Variants in POLR3E observed in about 807,000 individuals in gnomAD.
POLR3E encodes the protein DNA-directed RNA polymerase III subunit RPC5.
Under a neutral mutation model 96.6 loss-of-function variants are expected in POLR3E, and 41 were observed. That is an observed-to-expected ratio of 0.42 (90% CI 0.33 to 0.55). The LOEUF (loss-of-function observed/expected upper bound fraction) is 0.55, where lower values mean the gene tolerates loss of function less well. Ranked by LOEUF, POLR3E falls within the 20% of genes least tolerant of loss-of-function variation. The probability of loss-of-function intolerance (pLI) is 0.06; values close to 1 mark genes in which losing one functional copy is unlikely to be tolerated. For synonymous variants in POLR3E, 396 were observed against 383.6 expected (o/e 1.03, Z -0.38); for missense variants, 849 against 952.1 (o/e 0.89, Z 1.43).
At chr16:22,328,217 C>T in intron 18 of POLR3E, 1 of 343,484 alleles carries the variant, frequency 2.9e-6, no homozygotes, top group Non-Finnish European at 5.4e-6. Context: ...AGCTTCCCCA[C>T]TGTACGGAGG....
rs1218050554 is a variant in POLR3E, at chr16:22,333,983, A to ATAAT, written c.*284_*287dup. 10 of 374,334 alleles carry ATAAT rather than the reference A, an allele frequency of 2.7e-5. No homozygotes were observed. Among genetic ancestry groups the ATAAT allele is most frequent in the Non-Finnish European group, 4.8e-5 (10 of 208,296 alleles). The allele number at this position is 374,334 out of a possible 1,614,324, so 23.2% of individuals were successfully genotyped here. A position where few individuals can be genotyped will look rare whatever the true frequency, so the allele number is the denominator to read the frequency against. ...TTGCTTATTATTTGGTTTCATTCTC[A>ATAAT]TAATAAAGAGAGTGTATACTGACAT... On this transcript the variant is annotated 3_prime_UTR_variant, in exon 21 of 21. Coordinates refer to ENST00000299853, the MANE Select transcript of POLR3E (RefSeq NM_018119.4).
intron 13 of POLR3E, among the ~76,000 whole-genome samples, chr16:22,321,907 T>C (rs1253935868): frequency 1.3e-5 from 2 of 152,172 alleles, no homozygotes; most frequent in East Asian, 1.9e-4. Context: ...CAATGCAAAA[T>C]CCATGCCTCC....
chr16:22,305,499 G>A (rs986475035), intron 3 of POLR3E: 16 of 627,700 alleles, frequency 2.5e-5, no homozygotes, highest in African/African-American at 7.2e-5. Context: ...CCGTGGGCAA[G>A]TTTCTTAATC....
In POLR3E at chr16:22,334,090, G is replaced by A. The variant is rs747627198; in HGVS notation, c.*390G>A. 25 of 174,072 alleles carry A rather than the reference G, an allele frequency of 1.4e-4. No homozygotes were observed. The highest frequency in any genetic ancestry group is 4.4e-4 in the Admixed American group (7 of 16,040). The allele number at this position is 174,072 out of a possible 1,614,324, so 10.8% of individuals were successfully genotyped here. A position where few individuals can be genotyped will look rare whatever the true frequency, so the allele number is the denominator to read the frequency against. ...AAGGTCTAAGTTATGTTTACAACATGAAGAAAACCTCAAAGTTCTTAATTT... is the reference window on the plus strand; with the variant it reads ...AAGGTCTAAGTTATGTTTACAACATAAAGAAAACCTCAAAGTTCTTAATTT... On this transcript the variant is annotated 3_prime_UTR_variant, in exon 21 of 21. Coordinates refer to ENST00000299853, the MANE Select transcript of POLR3E (RefSeq NM_018119.4).
chr16:22,328,417 C>A, intron 18 of POLR3E, 93 bp from the exon 19 acceptor site: 2 of 1,040,162 alleles, frequency 1.9e-6, no homozygotes, highest in Non-Finnish European at 3.0e-6. Context: ...CATGTTCCTG[C>A]ATCTGGGCTG....
intron 1 of POLR3E, among the ~76,000 whole-genome samples, chr16:22,298,150 G>C (rs2047935687): frequency 1.3e-5 from 2 of 152,252 alleles, no homozygotes; most frequent in African/African-American, 4.8e-5. Flanking sequence ...GGAGGTGTCA[G>C]TAAACAAACA....
chr16:22,315,067 C>A (rs765717125), intron 8 of POLR3E, 22 bp from the exon 9 acceptor site: 1 of 1,611,488 alleles, frequency 6.2e-7, no homozygotes, highest in East Asian at 2.2e-5. Flanking sequence ...GACGGTATGA[C>A]CTCTTCCCCT....
intron 18 of POLR3E, chr16:22,328,298 G>C: frequency 1.7e-6 from 1 of 573,184 alleles, no homozygotes; most frequent in African/African-American, 1.9e-5. Flanking sequence ...AGCCCTGTCA[G>C]GCCCTGGGGG....
At chr16:22,317,862 T>C (rs1217899173) in intron 12 of POLR3E, among the ~76,000 whole-genome samples, 1 of 152,004 alleles carries the variant, frequency 6.6e-6, no homozygotes, top group Non-Finnish European at 1.5e-5. Context: ...CTGGGTACTC[T>C]TGCCAGACCT....
rs374256120 is a variant in POLR3E at position 22,314,104 on chromosome 16, G to A, written c.498G>A (p.Ala166=). 1.5e-5 allele frequency: 24 copies of A among 1,613,878 alleles called. No individual in the cohort carries two copies. Among genetic ancestry groups the A allele is most frequent in the African/African-American group, 5.3e-5 (4 of 75,034 alleles). ...CAGGGGACTCTTCACAGGATGAGGC[G>A]GAAGACGATGTTAAGCAGATCACGG... ...NEAGDSSQDE[A]EDDVKQITVR... Residue 166 remains alanine, a synonymous_variant, in exon 8 of 21, where the codon GCG becomes GCA. Transcript: ENST00000299853.
Position 22,308,157 on chromosome 16 carries a change from C to G in POLR3E, c.97C>G (p.Arg33Gly). The change falls in exon 4 of 21, where the codon CGT becomes GGT. Residue 33 changes from arginine to glycine, a missense_variant. Arg to Gly is a moderately radical substitution (Grantham distance 125, BLOSUM62 -2). Coordinates refer to ENST00000299853, the MANE Select transcript of POLR3E (RefSeq NM_018119.4). Reference sequence around the variant, plus strand: ...CCCTTCCCCTCCCCAGTACCCTGTGCGTCCAGCCTCGATGACCTACGATGA... The same window carrying G: ...CCCTTCCCCTCCCCAGTACCCTGTGGGTCCAGCCTCGATGACCTACGATGA... ...EKLYLFQYPV[R>G]PASMTYDDIP... 1 of 1,612,876 alleles carries G rather than the reference C, an allele frequency of 6.2e-7. No homozygotes were observed. Among genetic ancestry groups the G allele is most frequent in the Non-Finnish European group, 8.5e-7 (1 of 1,178,996 alleles).
chr16:22,308,526 C>T (rs775143168), intron 4 of POLR3E: 11 of 482,616 alleles, frequency 2.3e-5, no homozygotes, highest in African/African-American at 3.9e-5. Flanking sequence ...GAGAATCTAG[C>T]GCCTATCCAT....
intron 19 of POLR3E, among the ~76,000 whole-genome samples, chr16:22,330,742 G>A (rs1380601444): frequency 6.6e-6 from 1 of 152,050 alleles, no homozygotes; most frequent in African/African-American, 2.4e-5. Context: ...CAGTATTACT[G>A]TTTGTCTGGG....
At chr16:22,331,478 A>C (rs1018017664) in intron 19 of POLR3E, 1 of 152,306 alleles carries the variant, frequency 6.6e-6, no homozygotes, top group Admixed American at 6.5e-5. Context: ...TAGACAATTG[A>C]GTTCTTATAA....
Position 22,332,129 on chromosome 16 carries a change from T to A in POLR3E, c.2014T>A (p.Leu672Met), listed in dbSNP as rs761419294. 1 of 1,613,778 alleles carries A rather than the reference T, an allele frequency of 6.2e-7. No homozygotes were observed. Among genetic ancestry groups the A allele is most frequent in the Non-Finnish European group, 8.5e-7 (1 of 1,179,622 alleles). The change falls in exon 20 of 21, where the codon TTG (leucine) becomes ATG (methionine). Residue 672 changes from leucine (L) to methionine (M), a missense_variant. Transcript: ENST00000299853. Reference sequence around the variant, plus strand: ...ACGCCGAAACATGATCCAGTCTCGGTTGACTCAAGAGTGTGGAGAAGATCT... The same window carrying A: ...ACGCCGAAACATGATCCAGTCTCGGATGACTCAAGAGTGTGGAGAAGATCT... ...RVRRNMIQSR[L>M]TQECGEDLSK...
intron 1 of POLR3E, among the ~76,000 whole-genome samples, chr16:22,298,686 C>T (rs2047958260): frequency 6.6e-6 from 1 of 152,280 alleles, no homozygotes; most frequent in South Asian, 2.1e-4. Flanking sequence ...CATAGCGAGA[C>T]CCAAGTTTCT....
intron 17 of POLR3E, 181 bp downstream of exon 17, chr16:22,325,447 G>A (rs1248412969): frequency 3.1e-6 from 2 of 646,922 alleles, no homozygotes; most frequent in African/African-American, 3.7e-5. Flanking sequence ...CCCAGCAGCA[G>A]AGCCTCAGGG....
rs777777289 is a variant in POLR3E at position 22,332,163 on chromosome 16, A to C, written c.2048A>C (p.Gln683Pro). 8 of 1,613,510 alleles carry C rather than the reference A, an allele frequency of 5.0e-6. No homozygotes were observed. Among genetic ancestry groups the C allele is most frequent in the Non-Finnish European group, 6.8e-6 (8 of 1,179,558 alleles). Residue 683 changes from glutamine (Q) to proline (P), a missense_variant, in exon 20 of 21, where the codon CAG becomes CCG. Transcript: ENST00000299853. ...TQECGEDLSK[Q>P]EVDKVLKDCC... ...GAGTGTGGAGAAGATCTCAGTAAAC[A>C]GGAGGTGGATAAAGTACTAAAGGTA...
chr16:22,311,268 C>CA lies in POLR3E; in HGVS notation c.364+1758_364+1759insA, dbSNP rs373013185. 1.0e-4 allele frequency among the ~76,000 whole-genome samples: 11 copies of CA among 109,422 alleles called. No homozygotes were observed. In the South Asian group the frequency reaches 3.2e-3, roughly 31 times the overall value. The allele number at this position is 109,422 out of a possible 152,430, so 71.8% of individuals were successfully genotyped here. A position where few individuals can be genotyped will look rare whatever the true frequency, so the allele number is the denominator to read the frequency against. ...ATAGGCATGAGCCACTGTGCCCAGCCTTTTTTTTTTTTTTTTTTTTTTAAT... is the reference window on the plus strand; with the variant it reads ...ATAGGCATGAGCCACTGTGCCCAGCCATTTTTTTTTTTTTTTTTTTTTTAAT... On this transcript the variant is annotated intron_variant, in intron 6 of 20. Coordinates refer to ENST00000299853, the MANE Select transcript of POLR3E (RefSeq NM_018119.4).
Sources: allele counts gnomAD v4.1 joint callset (sites outside exome capture counted in the v4.1 genomes callset), GRCh38; gene constraint gnomAD v4.1.1; transcripts MANE v1.5; gene names NCBI Gene and HGNC (gene_info 2026-07-23, HGNC 2026-07-21).